The following TMEM135 variants were observed in gnomAD, a reference collection of about 807,000 sequenced individuals.
TMEM135 encodes the protein peroxisomal membrane protein 52.
A neutral mutation model predicts 60.3 loss-of-function variants in TMEM135; 30 were observed. The ratio of observed to expected loss-of-function variants is 0.50; its 90% CI spans 0.37 to 0.68. The LOEUF (loss-of-function observed/expected upper bound fraction) is 0.68. Ranked by LOEUF, TMEM135 falls within the 30% of genes least tolerant of loss-of-function variation. The pLI is 0.00. For missense variants in TMEM135, 468 were observed against 548.8 expected, an observed-to-expected ratio of 0.85 and a Z score of 1.47; for synonymous variants, 190 against 186.7, an observed-to-expected ratio of 1.02 and a Z score of -0.14.
intron 6 of TMEM135, among the ~76,000 whole-genome samples, chr11:87,240,263 T>C (rs1941100773): frequency 6.6e-6 from 1 of 152,060 alleles, no homozygotes; most frequent in Admixed American, 6.6e-5. Context: ...ATAATCTTAG[T>C]GGGCATTCTT....
At chr11:87,117,719 T>A (rs954384052) in intron 4 of TMEM135, among the ~76,000 whole-genome samples, 2 of 152,182 alleles carry the variant, frequency 1.3e-5, no homozygotes, top group African/African-American at 2.4e-5. Context: ...CCCCTCTACG[T>A]CATCTATGAG....
chr11:87,213,362 G>A (rs1396614355), intron 5 of TMEM135, among the ~76,000 whole-genome samples: 1 of 152,092 alleles, frequency 6.6e-6, no homozygotes, highest in Non-Finnish European at 1.5e-5. Flanking sequence ...TTTTGGCAGT[G>A]TATAACAGAA....
chr11:87,075,671 C>T (rs1388450490), intron 3 of TMEM135, among the ~76,000 whole-genome samples: 2 of 152,138 alleles, frequency 1.3e-5, no homozygotes, highest in Non-Finnish European at 2.9e-5. Context: ...CCAGTTGTCT[C>T]GTTGTATGTA....
intron 4 of TMEM135, among the ~76,000 whole-genome samples, chr11:87,108,707 T>C (rs1023106463): frequency 6.6e-6 from 1 of 152,198 alleles, no homozygotes; most frequent in Non-Finnish European, 1.5e-5. Context: ...GAACTACTTT[T>C]GCTGCATCCC....
At chr11:87,072,767 A>C (rs193081472) in intron 3 of TMEM135, among the ~76,000 whole-genome samples, 12 of 152,370 alleles carry the variant, frequency 7.9e-5, no homozygotes, top group African/African-American at 2.6e-4. Flanking sequence ...TATGATTTCT[A>C]TAAAATGTTG....
At chr11:87,285,329 T>C (rs921708136) in intron 6 of TMEM135, among the ~76,000 whole-genome samples, 1 of 152,242 alleles carries the variant, frequency 6.6e-6, no homozygotes, top group Non-Finnish European at 1.5e-5. Context: ...GGTGGGTTCT[T>C]GGTCTCACTG....
At chr11:87,315,233 A>T (rs557716951) in intron 12 of TMEM135, among the ~76,000 whole-genome samples, 18 of 151,730 alleles carry the variant, frequency 1.2e-4, no homozygotes, top group Middle Eastern at 3.4e-3. Context: ...TCATTAGTTC[A>T]TGGAATTTCC....
chr11:87,072,184 A>G (rs78609598), intron 3 of TMEM135, among the ~76,000 whole-genome samples: 2,192 of 152,214 alleles, frequency 0.014, 66 homozygotes, highest in African/African-American at 0.05. Context: ...ACAGAGTGAG[A>G]CTCCTGTCTC....
At chr11:87,295,966 A>T (rs10792936) in intron 7 of TMEM135, 143 bp downstream of exon 7, 179,612 of 673,694 alleles carry the variant, frequency 0.27, 27,082 homozygotes, top group African/African-American at 0.49. Context: ...AAGCCTGCGG[A>T]TAAATAGCTC....
intron 3 of TMEM135, among the ~76,000 whole-genome samples, chr11:87,087,344 T>C (rs927117717): frequency 6.6e-6 from 1 of 151,838 alleles, no homozygotes; most frequent in Non-Finnish European, 1.5e-5. Flanking sequence ...TTCTCACCAC[T>C]TGGCAGGAGT....
rs544010814 is a variant in TMEM135, at chr11:87,227,082, G to A, written c.463-9556G>A. The stretch of plus-strand genomic sequence containing the variant: ...AAAAACAAAAACAAAAAAACACAAT[G>A]GCCAATAGTGCAAGTAAGAGTCTAG... On this transcript the variant is annotated intron_variant, in intron 5 of 14. Transcript: ENST00000305494. Among the ~76,000 whole-genome samples the A allele has an allele frequency of 4.6e-5, 7 of 151,796 alleles. 1 individual carries two copies. Among genetic ancestry groups the A allele is most frequent in the Admixed American group, 2.6e-4 (4 of 15,212 alleles).
intron 5 of TMEM135, among the ~76,000 whole-genome samples, chr11:87,180,354 T>C (rs931432740): frequency 2.0e-5 from 3 of 152,086 alleles, no homozygotes; most frequent in African/African-American, 7.2e-5. Flanking sequence ...TTTGCTTTTT[T>C]CCCCCCTTTC....
chr11:87,204,779 C>T (rs558431809), intron 5 of TMEM135, among the ~76,000 whole-genome samples: 20 of 152,134 alleles, frequency 1.3e-4, no homozygotes, highest in African/African-American at 4.1e-4. Flanking sequence ...GGAGGTTGGT[C>T]CTGCTTTCTC....
chr11:87,288,637 C>T (rs1053804794), intron 6 of TMEM135, among the ~76,000 whole-genome samples: 1 of 150,518 alleles, frequency 6.6e-6, no homozygotes, highest in Non-Finnish European at 1.5e-5. Context: ...ATTTAATCAG[C>T]CAGTTATTTA....
Position 87,243,763 on chromosome 11 carries a change from G to A in TMEM135, c.509+7079G>A, listed in dbSNP as rs1397618018. On this transcript the variant is annotated intron_variant, in intron 6 of 14. Transcript: ENST00000305494. Reference sequence around the variant, plus strand: ...TTGAGATTTTGGGCTGAGACAATGGGGTTTTCTAGATATACAATCATGTCA... The same window carrying A: ...TTGAGATTTTGGGCTGAGACAATGGAGTTTTCTAGATATACAATCATGTCA... 6.7e-5 allele frequency among the ~76,000 whole-genome samples: 6 copies of A among 89,732 alleles called. 1 individual carries two copies. Among genetic ancestry groups the A allele is most frequent in the Admixed American group, 4.9e-4 (5 of 10,288 alleles). The allele number at this position is 89,732 out of a possible 152,430, so 58.9% of individuals were successfully genotyped here.
At chr11:87,121,932 G>A (rs1388642133) in intron 4 of TMEM135, among the ~76,000 whole-genome samples, 5 of 152,110 alleles carry the variant, frequency 3.3e-5, no homozygotes, top group Non-Finnish European at 4.4e-5. Context: ...AAGCCACTGC[G>A]CCTGGCCTGA....
Position 87,125,062 on chromosome 11 carries a change from G to A in TMEM135, c.397-32279G>A, listed in dbSNP as rs577589147. On this transcript the variant is annotated intron_variant, in intron 4 of 14. Transcript: ENST00000305494. ...TGAGGCTCTGTACTTGACTTGACTC[G>A]TTAGAACTTCTTTCAATTCTCTGAG... Among the ~76,000 whole-genome samples, 266 of 151,918 alleles carry A rather than the reference G, an allele frequency of 1.8e-3. 1 individual carries two copies. Among genetic ancestry groups the A allele is most frequent in the African/African-American group, 5.7e-3 (236 of 41,430 alleles).
chr11:87,224,143 C>A (rs554382042), intron 5 of TMEM135, among the ~76,000 whole-genome samples: 6 of 152,296 alleles, frequency 3.9e-5, no homozygotes, highest in Non-Finnish European at 8.8e-5. Context: ...GAGTAACGTA[C>A]TCATGTGCTG....
intron 5 of TMEM135, among the ~76,000 whole-genome samples, chr11:87,225,432 T>A (rs1186163999): frequency 6.6e-6 from 1 of 152,068 alleles, no homozygotes; most frequent in Non-Finnish European, 1.5e-5. Context: ...ACTCTATAAT[T>A]ATTATTATTA....
Sources: allele counts gnomAD v4.1 joint callset (sites outside exome capture counted in the v4.1 genomes callset), GRCh38; gene constraint gnomAD v4.1.1; transcripts MANE v1.5; gene names NCBI Gene and HGNC (gene_info 2026-07-23, HGNC 2026-07-21).